The following CPSF6 variants were observed in gnomAD, a reference collection of about 807,000 sequenced individuals.
CPSF6 encodes cleavage and polyadenylation specificity factor subunit 6.
In CPSF6, 10 loss-of-function variants were observed where a neutral mutation model predicts 56.7. The ratio of observed to expected loss-of-function variants is 0.18; its 90% CI spans 0.11 to 0.30. The LOEUF (loss-of-function observed/expected upper bound fraction) is 0.30. CPSF6 is among the 10% of genes least tolerant of loss of function. The pLI, the probability that CPSF6 is intolerant of heterozygous loss-of-function variation, is 1.00. For missense variants in CPSF6, 419 were observed against 722.9 expected, an observed-to-expected ratio of 0.58 and a Z score of 4.82; for synonymous variants, 248 against 244.8, an observed-to-expected ratio of 1.01 and a Z score of -0.12.
chr12:69,263,925 A>G (rs1872857645), intron 9 of CPSF6, among the ~76,000 whole-genome samples: 2 of 152,092 alleles, frequency 1.3e-5, no homozygotes, highest in Non-Finnish European at 2.9e-5. Context: ...ATGTATTACA[A>G]AATTTAATAT....
chr12:69,265,531 T>G (rs1423879247), intron 9 of CPSF6, among the ~76,000 whole-genome samples: 7 of 151,944 alleles, frequency 4.6e-5, no homozygotes. Context: ...TCTCAAATCA[T>G]CCATGACAAT....
At chr12:69,249,281 A>G (rs1258550053) in intron 1 of CPSF6, among the ~76,000 whole-genome samples, 2 of 149,820 alleles carry the variant, frequency 1.3e-5, no homozygotes, top group African/African-American at 5.1e-5. Flanking sequence ...AAAAAAATAA[A>G]TAAATAAAAA....
intron 1 of CPSF6, among the ~76,000 whole-genome samples, chr12:69,245,333 G>A (rs915025746): frequency 1.3e-5 from 2 of 152,058 alleles, no homozygotes; most frequent in Non-Finnish European, 2.9e-5. Context: ...ATTATAATCT[G>A]ACCACCTGGA....
intron 1 of CPSF6, among the ~76,000 whole-genome samples, chr12:69,243,577 A>G (rs905310622): frequency 6.6e-6 from 1 of 152,202 alleles, no homozygotes; most frequent in African/African-American, 2.4e-5. Context: ...ACACAGTGGT[A>G]TTTGTGTATC....
Position 69,267,424 on chromosome 12 carries a change from C to T in CPSF6, c.*4-2088C>T, listed in dbSNP as rs1179958936. Among the ~76,000 whole-genome samples, 4 of 151,362 alleles carry T rather than the reference C, an allele frequency of 2.6e-5. No homozygotes were observed. In the East Asian group the frequency reaches 5.8e-4, roughly 22 times the overall value. ...CCATTTATCATCTTAGTTGTTTTAA[C>T]ATCTGTTTACATAGGCCTTTCTTTT... On this transcript the variant is annotated intron_variant, in intron 9 of 9. Coordinates refer to ENST00000435070, the MANE Select transcript of CPSF6 (RefSeq NM_007007.3).
intron 1 of CPSF6, among the ~76,000 whole-genome samples, chr12:69,250,653 TTG>T (rs1219952758): frequency 1.7e-5 from 1 of 60,134 alleles, no homozygotes; most frequent in African/African-American, 1.3e-4. Flanking sequence ...TTTTGTTTTT[TTG>T]TTTTTTTTTG....
chr12:69,253,896 CTT>C (rs1872373978), intron 3 of CPSF6, among the ~76,000 whole-genome samples: 1 of 151,946 alleles, frequency 6.6e-6, no homozygotes, highest in African/African-American at 2.4e-5. Flanking sequence ...TTATATAAGT[CTT>C]TTGGTACAGA....
At chr12:69,239,908 G>C (rs1397249207) in intron 1 of CPSF6, among the ~76,000 whole-genome samples, 2 of 149,328 alleles carry the variant, frequency 1.3e-5, no homozygotes, top group African/African-American at 2.4e-5. Context: ...GGCGCGGCGA[G>C]TCGCCGCGGG....
In CPSF6 at chr12:69,250,590, C is replaced by CAA. The variant is rs61337613; in HGVS notation, c.61-523_61-522dup. 5.7e-3 allele frequency among the ~76,000 whole-genome samples: 280 copies of CAA among 48,816 alleles called. 3 individuals are homozygous for CAA. Among genetic ancestry groups the CAA allele is most frequent in the Middle Eastern group, 0.026 (2 of 78 alleles). 32.0% of individuals were successfully genotyped at this position (48,816 alleles called of 152,430 possible). A position where few individuals can be genotyped will look rare whatever the true frequency, so the allele number is the denominator to read the frequency against. On this transcript the variant is annotated intron_variant, in intron 1 of 9. Transcript: ENST00000435070. ...GCAATGTAGCGAGACCTGGTCTCTA[C>CAA]AAAAAAAAAAAAAAAAAGAAAAAAA...
At chr12:69,264,381 T>C (rs77772554) in intron 9 of CPSF6, among the ~76,000 whole-genome samples, 4,811 of 152,240 alleles carry the variant, frequency 0.032, 122 homozygotes, top group Middle Eastern at 0.082. Flanking sequence ...AATTACAATT[T>C]CTACTGGTTT....
In CPSF6 at chr12:69,271,449, A is replaced by G. The variant is rs1192820862; in HGVS notation, c.*1941A>G. The G allele has an allele frequency of 6.6e-6, 1 of 151,832 alleles. No individual in the cohort carries two copies. The highest frequency in any genetic ancestry group is 1.5e-5 in the Non-Finnish European group (1 of 67,682). The allele number at this position is 151,832 out of a possible 1,614,324, so 9.4% of individuals were successfully genotyped here. On this transcript the variant is annotated 3_prime_UTR_variant, in exon 10 of 10. Coordinates refer to ENST00000435070, the MANE Select transcript of CPSF6 (RefSeq NM_007007.3). ...AAATAAAATTTTCTTTGAACAGTTT[A>G]AAAATGGAATCACAAAAATCTAACT...
chr12:69,253,225 A>T, intron 3 of CPSF6, 71 bp downstream of exon 3: 1 of 794,634 alleles, frequency 1.3e-6, no homozygotes, highest in East Asian at 2.5e-5. Context: ...ACTTTCCTTT[A>T]AGTTAATGTT....
At position 69,270,175 on chromosome 12, in the gene CPSF6, A is replaced by G. The variant is rs1319498030; in HGVS notation, c.*667A>G. 1.3e-5 allele frequency: 2 copies of G among 152,140 alleles called. No homozygotes were observed. The highest frequency in any genetic ancestry group is 1.9e-4 in the East Asian group (1 of 5,200). The allele number at this position is 152,140 out of a possible 1,614,324, so 9.4% of individuals were successfully genotyped here. A position where few individuals can be genotyped will look rare whatever the true frequency, so the allele number is the denominator to read the frequency against. On this transcript the variant is annotated 3_prime_UTR_variant, in exon 10 of 10. Coordinates refer to ENST00000435070, the MANE Select transcript of CPSF6 (RefSeq NM_007007.3). Reference sequence around the variant, plus strand: ...GAATAGGTGATTACATGGATATTTAATATTTCTATATTCTGCTTTTCTAGC... The same window carrying G: ...GAATAGGTGATTACATGGATATTTAGTATTTCTATATTCTGCTTTTCTAGC...
rs1873287783 is a variant in CPSF6 at position 69,272,417 on chromosome 12, G to A, written c.*2909G>A. 6.6e-6 allele frequency: 1 copy of A among 151,562 alleles called. No homozygotes were observed. The highest frequency in any genetic ancestry group is 1.5e-5 in the Non-Finnish European group (1 of 67,604). 9.4% of individuals were successfully genotyped at this position (151,562 alleles called of 1,614,324 possible). A position where few individuals can be genotyped will look rare whatever the true frequency, so the allele number is the denominator to read the frequency against. ...AATGAATGTTGTATAATATTTTATA[G>A]TGAAGGAAAATTGTGGAAAGGGCAA... On this transcript the variant is annotated 3_prime_UTR_variant, in exon 10 of 10. Coordinates refer to ENST00000435070, the MANE Select transcript of CPSF6 (RefSeq NM_007007.3).
chr12:69,243,274 G>A (rs540038445), intron 1 of CPSF6, among the ~76,000 whole-genome samples: 3 of 152,214 alleles, frequency 2.0e-5, no homozygotes, highest in South Asian at 4.1e-4. Context: ...TCAGTTACCC[G>A]TGGTTCTGAG....
rs200739691 is a variant in CPSF6 at position 69,257,736 on chromosome 12, A to G, written c.525A>G (p.Thr175=). Reference sequence around the variant, plus strand: ...TGAGTATTTGGATATTTGCAGCTACACAATCAGGACAAATGTCTGGGGAAG... The same window carrying G: ...TGAGTATTTGGATATTTGCAGCTACGCAATCAGGACAAATGTCTGGGGAAG... ...SQFEMQSRKT[T]QSGQMSGEGK... Residue 175 remains threonine, a synonymous_variant, in exon 5 of 10, where the codon ACA becomes ACG. Coordinates refer to ENST00000435070, the MANE Select transcript of CPSF6 (RefSeq NM_007007.3). 5.6e-6 allele frequency: 9 copies of G among 1,605,996 alleles called. No individual in the cohort carries two copies. The highest frequency in any genetic ancestry group is 1.3e-5 in the African/African-American group (1 of 74,322).
In CPSF6 at chr12:69,256,854, T is replaced by C; in HGVS notation, c.520+12T>C. 1 of 1,586,100 alleles carries C rather than the reference T, an allele frequency of 6.3e-7. No individual in the cohort carries two copies. Among genetic ancestry groups the C allele is most frequent in the Non-Finnish European group, 8.5e-7 (1 of 1,169,796 alleles). ...GCAGTCCAGGAAAAGTAAGCAGTCC[T>C]CAGAGGCTTTTATTAAAATATGTAC... is the stretch of plus-strand genomic sequence containing the variant. On this transcript the variant is annotated intron_variant, in intron 4 of 9. Coordinates refer to ENST00000435070, the MANE Select transcript of CPSF6 (RefSeq NM_007007.3).
At chr12:69,267,166 T>C (rs1338109083) in intron 9 of CPSF6, among the ~76,000 whole-genome samples, 4 of 152,178 alleles carry the variant, frequency 2.6e-5, no homozygotes, top group Middle Eastern at 3.4e-3. Flanking sequence ...TGTGAAAATC[T>C]ATAAAAGTGC....
chr12:69,242,806 A>G (rs1490732414), intron 1 of CPSF6, among the ~76,000 whole-genome samples: 1 of 152,224 alleles, frequency 6.6e-6, no homozygotes, highest in African/African-American at 2.4e-5. Context: ...AAACTAAATA[A>G]TTTAAAAGTT....
Sources: allele counts gnomAD v4.1 joint callset (sites outside exome capture counted in the v4.1 genomes callset), GRCh38; gene constraint gnomAD v4.1.1; transcripts MANE v1.5; gene names NCBI Gene and HGNC (gene_info 2026-07-23, HGNC 2026-07-21).